The following PSMC3 variants were observed in gnomAD, a reference collection of about 807,000 sequenced individuals.
PSMC3 encodes the protein proteasome 26S subunit, ATPase 3.
Under a neutral mutation model 52.0 loss-of-function variants are expected in PSMC3, and 11 were observed. That is an observed-to-expected ratio of 0.21 (90% confidence interval 0.13 to 0.35). PSMC3 has a LOEUF of 0.35. Among genes scored for constraint, PSMC3 ranks in the 10% least tolerant of loss-of-function variants. The pLI, the probability that PSMC3 is intolerant of heterozygous loss-of-function variation, is 1.00. For synonymous variants in PSMC3, 201 were observed against 218.8 expected (o/e 0.92, Z 0.72); for missense variants, 238 against 567.1 (o/e 0.42, Z 5.89).
At chr11:47,420,138 T>C in intron 10 of PSMC3, 126 bp downstream of exon 10, 2 of 1,130,052 alleles carry the variant, frequency 1.8e-6, no homozygotes, top group Non-Finnish European at 2.6e-6. Flanking sequence ...GGAACGGTGC[T>C]GTGTGTGCCT....
rs2096044533 is a variant in PSMC3 at position 47,424,794 on chromosome 11, G to A, written c.286-83C>T. 3 of 1,252,514 alleles carry A rather than the reference G, an allele frequency of 2.4e-6. No individual in the cohort carries two copies. The highest frequency in any genetic ancestry group is 1.5e-5 in the African/African-American group (1 of 67,428). 77.6% of individuals were successfully genotyped at this position (1,252,514 alleles called of 1,614,324 possible). On this transcript the variant is annotated intron_variant, in intron 3 of 11. Coordinates refer to ENST00000298852, the MANE Select transcript of PSMC3 (RefSeq NM_002804.5). This position sits in a 1 kb window ranked among gnomAD's most constrained non-coding sequence, Gnocchi z 4.8. ...ACAGTTCCTAATACCTGCAGGGCTG[G>A]CCATCCTTACCTCCCTCCTCCAATA... is the stretch of plus-strand genomic sequence containing the variant.
At chr11:47,420,464 C>A in intron 9 of PSMC3, 55 bp from the exon 10 acceptor site, 1 of 1,581,482 alleles carries the variant, frequency 6.3e-7, no homozygotes. Flanking sequence ...GATGGGCAGA[C>A]ACGGTCAAAA....
At position 47,424,375 on chromosome 11, in the gene PSMC3, C is replaced by G; in HGVS notation, c.453+54G>C. 1 of 1,593,882 alleles carries G rather than the reference C, an allele frequency of 6.3e-7. No individual in the cohort carries two copies. Among genetic ancestry groups the G allele is most frequent in the Non-Finnish European group, 8.6e-7 (1 of 1,162,098 alleles). Reference sequence around the variant, plus strand: ...AGCCAACAGTGACCTGGGGCGGGTACAGGGGCTCAGCTAGTCACCAGAAAA... The same window carrying G: ...AGCCAACAGTGACCTGGGGCGGGTAGAGGGGCTCAGCTAGTCACCAGAAAA... On this transcript the variant is annotated intron_variant, in intron 5 of 11. Transcript: ENST00000298852. This position sits in a 1 kb window ranked among gnomAD's most constrained non-coding sequence, Gnocchi z 4.8.
At chr11:47,419,593 C>G (rs554630102) in intron 10 of PSMC3, among the ~76,000 whole-genome samples, 1 of 151,918 alleles carries the variant, frequency 6.6e-6, no homozygotes, top group Non-Finnish European at 1.5e-5. Flanking sequence ...GGCGTGGTGG[C>G]TCATACCTAT....
In PSMC3 at chr11:47,424,855, G is replaced by A. The variant is rs1259145106; in HGVS notation, c.286-144C>T. Reference sequence around the variant, plus strand: ...CACCAAACGTGGGTGCCCCTGCTAAGCCCAGGGATTGATCTCTGTGTAGGT... The same window carrying A: ...CACCAAACGTGGGTGCCCCTGCTAAACCCAGGGATTGATCTCTGTGTAGGT... On this transcript the variant is annotated intron_variant, in intron 3 of 11. Coordinates refer to ENST00000298852, the MANE Select transcript of PSMC3 (RefSeq NM_002804.5). The surrounding 1 kb of genome is among the most constrained non-coding windows in gnomAD (Gnocchi z 4.8). 13 of 855,830 alleles carry A rather than the reference G, an allele frequency of 1.5e-5. No homozygotes were observed. Among genetic ancestry groups the A allele is most frequent in the Non-Finnish European group, 2.4e-5 (13 of 537,718 alleles). The allele number at this position is 855,830 out of a possible 1,614,324, so 53.0% of individuals were successfully genotyped here. A position where few individuals can be genotyped will look rare whatever the true frequency, so the allele number is the denominator to read the frequency against.
Position 47,422,480 on chromosome 11 carries a change from G to A in PSMC3, c.884+94C>T, listed in dbSNP as rs1490964580. ...CCATCCAGGGGCAGGAGGGGATACA[G>A]GGTGGGAAGGAACCACAATTTAGCA... is the stretch of plus-strand genomic sequence containing the variant. On this transcript the variant is annotated intron_variant, in intron 8 of 11. Coordinates refer to ENST00000298852, the MANE Select transcript of PSMC3 (RefSeq NM_002804.5). This position sits in a 1 kb window ranked among gnomAD's most constrained non-coding sequence, Gnocchi z 4.3. 6.8e-7 allele frequency: 1 copy of A among 1,479,218 alleles called. No individual in the cohort carries two copies. The highest frequency in any genetic ancestry group is 1.4e-5 in the African/African-American group (1 of 72,138). The allele number at this position is 1,479,218 out of a possible 1,614,324, so 91.6% of individuals were successfully genotyped here.
In PSMC3 at chr11:47,422,984, G is replaced by A; in HGVS notation, c.592-11C>T. On this transcript the variant is annotated splice_polypyrimidine_tract_variant and intron_variant, in intron 6 of 11. Coordinates refer to ENST00000298852, the MANE Select transcript of PSMC3 (RefSeq NM_002804.5). This position sits in a 1 kb window ranked among gnomAD's most constrained non-coding sequence, Gnocchi z 4.3. ...AATGGCCTCCACCAGCTGCCAGGAG[G>A]AAGTCCTGGGTGAGGAGATGAAGCC... 3 of 1,602,068 alleles carry A rather than the reference G, an allele frequency of 1.9e-6. No individual in the cohort carries two copies. Among genetic ancestry groups the A allele is most frequent in the Non-Finnish European group, 2.6e-6 (3 of 1,173,934 alleles).
At chr11:47,419,866 T>TAA (rs775253701) in intron 10 of PSMC3, among the ~76,000 whole-genome samples, 3 of 127,454 alleles carry the variant, frequency 2.4e-5, no homozygotes, top group Non-Finnish European at 3.4e-5. Flanking sequence ...CTCCAAAAAT[T>TAA]AAAAAAAAAA....
At chr11:47,426,066 A>T (rs2096046043) in intron 1 of PSMC3, 116 bp from the exon 2 acceptor site, 1 of 1,401,218 alleles carries the variant, frequency 7.1e-7, no homozygotes, top group South Asian at 1.2e-5. Context: ...GGATGGAGTC[A>T]GGACCCCTGC....
rs750585848 is a variant in PSMC3, at chr11:47,422,907, G to A, written c.658C>T (p.Pro220Ser). 6.2e-7 allele frequency: 1 copy of A among 1,613,956 alleles called. No homozygotes were observed. Among genetic ancestry groups the A allele is most frequent in the Non-Finnish European group, 8.5e-7 (1 of 1,179,950 alleles). The change falls in exon 7 of 12, where the codon CCA becomes TCA. Residue 220 changes from proline (P) to serine (S), a missense_variant. Coordinates refer to ENST00000298852, the MANE Select transcript of PSMC3 (RefSeq NM_002804.5). This position sits in a 1 kb window ranked among gnomAD's most constrained non-coding sequence, Gnocchi z 4.3. The part of the protein sequence containing the change: ...EKFENLGIQP[P>S]KGVLMYGPPG... ...GGCCCATACATCAGCACCCCTTTTG[G>A]AGGTTGGATCCCCAAGTTCTCAAAC...
rs2096044607 is a variant in PSMC3 at position 47,424,874 on chromosome 11, T to C, written c.286-163A>G. 6.6e-6 allele frequency among the ~76,000 whole-genome samples: 1 copy of C among 152,194 alleles called. No homozygotes were observed. The highest frequency in any genetic ancestry group is 1.5e-5 in the Non-Finnish European group (1 of 68,034). ...TGCTAAGCCCAGGGATTGATCTCTG[T>C]GTAGGTGCTGCTCCTCTGCACAGGG... On this transcript the variant is annotated intron_variant, in intron 3 of 11. Transcript: ENST00000298852. This position sits in a 1 kb window ranked among gnomAD's most constrained non-coding sequence, Gnocchi z 4.8.
rs751678822 is a variant in PSMC3, at chr11:47,422,166, C to T, written c.884+408G>A. Among the ~76,000 whole-genome samples, 1 of 152,060 alleles carries T rather than the reference C, an allele frequency of 6.6e-6. No homozygotes were observed. Among genetic ancestry groups the T allele is most frequent in the Non-Finnish European group, 1.5e-5 (1 of 68,024 alleles). On this transcript the variant is annotated intron_variant, in intron 8 of 11. Transcript: ENST00000298852. This position sits in a 1 kb window ranked among gnomAD's most constrained non-coding sequence, Gnocchi z 4.3. ...CAAGTGATTCTTGTGCCTCAGCCTC[C>T]CAGGCATCTGGGACTACAGGCGCCT...
intron 11 of PSMC3, 29 bp downstream of exon 11, chr11:47,419,087 C>T (rs768023780): frequency 1.2e-6 from 2 of 1,613,814 alleles, no homozygotes; most frequent in South Asian, 2.2e-5. Flanking sequence ...AGGCACAAAG[C>T]AACGCACCCA....
chr11:47,425,365 T>A, intron 2 of PSMC3, 119 bp from the exon 3 acceptor site: 1 of 1,267,404 alleles, frequency 7.9e-7, no homozygotes, highest in Non-Finnish European at 1.1e-6. Flanking sequence ...CATCCAGCTC[T>A]GAGGCTCTCT....
chr11:47,420,294 A>G lies in PSMC3; in HGVS notation c.1097T>C (p.Met366Thr). The G allele has an allele frequency of 2.5e-6, 4 of 1,614,180 alleles. No homozygotes were observed. The highest frequency in any genetic ancestry group is 3.4e-6 in the Non-Finnish European group (4 of 1,180,038). The stretch of plus-strand genomic sequence containing the variant: ...ATTCATCTTTCGGGAGTGGATCTGC[A>G]TGATTCTGGCCCGGGCCTCCTCATT... Reference protein sequence around the residue: ...MPNEEARARIMQIHSRKMNVS... With the variant: ...MPNEEARARITQIHSRKMNVS... Residue 366 changes from methionine to threonine, a missense_variant, in exon 10 of 12, where the codon ATG becomes ACG. Met to Thr is a moderately conservative substitution (Grantham distance 81). Coordinates refer to ENST00000298852, the MANE Select transcript of PSMC3 (RefSeq NM_002804.5).
Position 47,422,624 on chromosome 11 carries a change from T to C in PSMC3, c.834A>G (p.Lys278=), listed in dbSNP as rs369073248. The stretch of plus-strand genomic sequence containing the variant: ...CATCAATGAAGATGATAGAGGGCGC[T>C]TTCTCCTTGGCCAGGGCAAAGGCAT... ...VRDAFALAKE[K]APSIIFIDEL... is the part of the protein sequence containing the mutation. The change falls in exon 8 of 12, where the codon AAA becomes AAG. Residue 278 remains lysine, a synonymous_variant. Coordinates refer to ENST00000298852, the MANE Select transcript of PSMC3 (RefSeq NM_002804.5). The surrounding 1 kb of genome is among the most constrained non-coding windows in gnomAD (Gnocchi z 4.3). 4 of 1,614,062 alleles carry C rather than the reference T, an allele frequency of 2.5e-6. No individual in the cohort carries two copies. The African/African-American group carries it at 5.3e-5, about 22-fold the overall frequency.
intron 10 of PSMC3, among the ~76,000 whole-genome samples, 181 bp from the exon 11 acceptor site, chr11:47,419,378 G>A (rs898038095): frequency 6.6e-6 from 1 of 152,212 alleles, no homozygotes; most frequent in African/African-American, 2.4e-5. Flanking sequence ...AAGGGAGGAA[G>A]TTAATGCAGG....
In PSMC3 at chr11:47,418,960, A is replaced by G; in HGVS notation, c.1210-15T>C. On this transcript the variant is annotated splice_polypyrimidine_tract_variant and intron_variant, in intron 11 of 11. Coordinates refer to ENST00000298852, the MANE Select transcript of PSMC3 (RefSeq NM_002804.5). ...GCGATCATGCCCTACAGCCGGGACA[A>G]ACAGAGTCTAGGTCTGAACGCCTGA... 6.2e-7 allele frequency: 1 copy of G among 1,613,662 alleles called. No homozygotes were observed. The highest frequency in any genetic ancestry group is 8.5e-7 in the Non-Finnish European group (1 of 1,179,708).
rs186188306 is a variant in PSMC3 at position 47,424,169 on chromosome 11, G to A, written c.468C>T (p.Asp156=). Reference sequence around the variant, plus strand: ...GCAGCGTCTCCAGGATCAGATAGGAGTCTTTGTTCACACCCTAAGGACACA... The same window carrying A: ...GCAGCGTCTCCAGGATCAGATAGGAATCTTTGTTCACACCCTAAGGACACA... The part of the protein sequence containing the change: ...KPGDLVGVNK[D]SYLILETLPT... Residue 156 remains aspartate (D), a synonymous_variant, in exon 6 of 12, where the codon GAC becomes GAT. Coordinates refer to ENST00000298852, the MANE Select transcript of PSMC3 (RefSeq NM_002804.5). This position sits in a 1 kb window ranked among gnomAD's most constrained non-coding sequence, Gnocchi z 4.8. 5.6e-5 allele frequency: 90 copies of A among 1,614,194 alleles called. No individual in the cohort carries two copies. The highest frequency in any genetic ancestry group is 2.3e-4 in the Admixed American group (14 of 60,026).
Sources: gnomAD v4.1 joint callset for allele counts (sites outside exome capture counted in the v4.1 genomes callset) on GRCh38, gnomAD v4.1.1 for gene constraint, Gnocchi (gnomAD v3.1) non-coding constraint, MANE v1.5 for transcripts, NCBI Gene and HGNC (gene_info 2026-07-23, HGNC 2026-07-21) for gene names.